The following PILRA variants were observed in gnomAD, a reference collection of about 807,000 sequenced individuals.
PILRA encodes paired immunoglobulin-like type 2 receptor alpha.
PILRA carries 37 observed loss-of-function variants against 33.1 expected under a neutral mutation model. That is an observed-to-expected ratio of 1.12 (90% CI 0.86 to 1.47). PILRA has a LOEUF of 1.47. Among genes scored for constraint, PILRA ranks in the 40% most tolerant of loss-of-function variants. The probability of loss-of-function intolerance (pLI) is 0.00; values close to 1 mark genes in which losing one functional copy is unlikely to be tolerated. For missense variants in PILRA, 312 were observed against 376.2 expected (o/e 0.83, Z 1.41); for synonymous variants, 146 against 149.9 (o/e 0.97, Z 0.19).
chr7:100,387,410 C>T (rs1170358934), intron 2 of PILRA, among the ~76,000 whole-genome samples: 1 of 152,180 alleles, frequency 6.6e-6, no homozygotes, highest in African/African-American at 2.4e-5. Context: ...GATGGGCTTT[C>T]ACCATGTTGG....
chr7:100,377,387 C>T (rs76279335), intron 2 of PILRA, among the ~76,000 whole-genome samples: 5,489 of 151,542 alleles, frequency 0.036, 681 homozygotes, highest in East Asian at 0.28. Context: ...ACTACAGGTG[C>T]CCGCCACCGT....
rs768442437 is a variant in PILRA, at chr7:100,374,228, C to T, written c.249C>T (p.Ser83=). The T allele has an allele frequency of 6.8e-6, 11 of 1,614,040 alleles. No individual in the cohort carries two copies. In the East Asian group the frequency reaches 2.0e-4, roughly 29 times the overall value. ...ACTTCCACAGGCAGTCCTTCTACAG[C>T]ACAAGGCCGCCTTCCATTCACAAGG... ...RGHFHRQSFY[S]TRPPSIHKDY... Residue 83 remains serine (S), a synonymous_variant, in exon 2 of 7, where the codon AGC becomes AGT. Transcript: ENST00000198536.
At chr7:100,376,352 CCT>C (rs1363719443) in intron 2 of PILRA, 1 of 151,984 alleles carries the variant, frequency 6.6e-6, no homozygotes, top group Non-Finnish European at 1.5e-5. Flanking sequence ...GCTTTTCTCA[CCT>C]CTCTGCATAG....
intron 2 of PILRA, among the ~76,000 whole-genome samples, chr7:100,379,049 T>C (rs948251160): frequency 1.5e-4 from 21 of 143,004 alleles, no homozygotes; most frequent in African/African-American, 5.5e-4. Context: ...GCAGAGATCG[T>C]GCCACTGCAC....
Position 100,373,792 on chromosome 7 carries a change from G to A in PILRA, c.64+72G>A, listed in dbSNP as rs902248581. 1.9e-6 allele frequency: 3 copies of A among 1,584,646 alleles called. No individual in the cohort carries two copies. In the African/African-American group the frequency reaches 4.0e-5, roughly 21 times the overall value. Reference sequence around the variant, plus strand: ...GAGGGGCCAACCCGAGACAAAGGTGGGACATCTTGGGGAGGGCCCAGGCTC... The same window carrying A: ...GAGGGGCCAACCCGAGACAAAGGTGAGACATCTTGGGGAGGGCCCAGGCTC... On this transcript the variant is annotated intron_variant, in intron 1 of 6. Coordinates refer to ENST00000198536, the MANE Select transcript of PILRA (RefSeq NM_013439.3).
chr7:100,391,983 A>G (rs1257293719), intron 3 of PILRA, among the ~76,000 whole-genome samples: 1 of 152,178 alleles, frequency 6.6e-6, no homozygotes, highest in African/African-American at 2.4e-5. Flanking sequence ...ACATCCTCCA[A>G]ACCTGATCTG....
chr7:100,382,869 A>C (rs2130188999), intron 2 of PILRA, among the ~76,000 whole-genome samples: 1 of 152,330 alleles, frequency 6.6e-6, no homozygotes, highest in Admixed American at 6.5e-5. Flanking sequence ...CTCTGAACAC[A>C]TCCAAACATC....
intron 2 of PILRA, among the ~76,000 whole-genome samples, chr7:100,381,084 G>C (rs777530746): frequency 8.5e-5 from 13 of 152,110 alleles, no homozygotes; most frequent in Non-Finnish European, 1.9e-4. Flanking sequence ...GGCTAACAGG[G>C]TGAAGCCCCA....
At chr7:100,388,198 C>T (rs950294255) in intron 2 of PILRA, among the ~76,000 whole-genome samples, 3 of 152,044 alleles carry the variant, frequency 2.0e-5, no homozygotes, top group South Asian at 2.1e-4. Context: ...AGCATTTACA[C>T]TTTTATTACT....
chr7:100,391,730 G>A (rs746374301), intron 3 of PILRA, among the ~76,000 whole-genome samples: 9 of 152,154 alleles, frequency 5.9e-5, no homozygotes, highest in Non-Finnish European at 1.3e-4. Context: ...ATGTAGGGGC[G>A]AGGGAGCAGG....
chr7:100,388,239 C>T (rs1409125754), intron 2 of PILRA, among the ~76,000 whole-genome samples: 1 of 152,094 alleles, frequency 6.6e-6, no homozygotes, highest in Non-Finnish European at 1.5e-5. Context: ...GATTTTAGTT[C>T]ATACTAACTT....
intron 2 of PILRA, among the ~76,000 whole-genome samples, chr7:100,387,638 G>A (rs1223924871): frequency 1.3e-5 from 2 of 152,170 alleles, no homozygotes; most frequent in Non-Finnish European, 2.9e-5. Flanking sequence ...CCCAGGAGGT[G>A]GAGGCTGCAG....
At chr7:100,373,823 A>T (rs981859843) in intron 1 of PILRA, 103 bp downstream of exon 1, 2 of 1,480,318 alleles carry the variant, frequency 1.4e-6, no homozygotes, top group African/African-American at 2.8e-5. Context: ...GGCTCCCACC[A>T]CCAGGAAACA....
intron 2 of PILRA, among the ~76,000 whole-genome samples, chr7:100,381,955 G>A (rs1045964800): frequency 2.6e-5 from 4 of 152,136 alleles, no homozygotes; most frequent in Non-Finnish European, 5.9e-5. Flanking sequence ...GCTGCCTCCC[G>A]GCAGGGCAGG....
intron 3 of PILRA, among the ~76,000 whole-genome samples, chr7:100,391,566 G>A (rs1193134440): frequency 6.6e-6 from 1 of 152,040 alleles, no homozygotes; most frequent in Non-Finnish European, 1.5e-5. Context: ...GTGCGCCTGT[G>A]GTCCCAGCTA....
intron 3 of PILRA, among the ~76,000 whole-genome samples, chr7:100,393,171 T>C (rs1050122334): frequency 6.6e-6 from 1 of 152,078 alleles, no homozygotes; most frequent in Admixed American, 6.5e-5. Context: ...TCCCAGCTAC[T>C]TGGGGGGCTG....
At chr7:100,373,429 AG>A (rs1046269990), upstream of PILRA, 11 of 603,296 alleles carry the variant, frequency 1.8e-5, no homozygotes, top group African/African-American at 2.0e-4. Flanking sequence ...ACTGACCACA[AG>A]GGAGGCCCTT....
upstream of PILRA, chr7:100,373,371 C>G: frequency 1.8e-6 from 1 of 569,720 alleles, no homozygotes; most frequent in East Asian, 2.9e-5. Flanking sequence ...GGCCCAGCCC[C>G]TCGGCAGGAG....
At chr7:100,385,630 TTTTA>T (rs923804589) in intron 2 of PILRA, among the ~76,000 whole-genome samples, 5 of 152,134 alleles carry the variant, frequency 3.3e-5, no homozygotes, top group African/African-American at 7.2e-5. Flanking sequence ...TATTTTTTAT[TTTTA>T]TTTATTTATT....
Sources: allele counts gnomAD v4.1 joint callset (sites outside exome capture counted in the v4.1 genomes callset), GRCh38; gene constraint gnomAD v4.1.1; transcripts MANE v1.5; gene names NCBI Gene and HGNC (gene_info 2026-07-23, HGNC 2026-07-21).